The following MYH10 variants were observed in gnomAD, a reference collection of about 807,000 sequenced individuals.
MYH10 encodes the protein myosin heavy chain 10.
In MYH10, 55 loss-of-function variants were observed where a neutral mutation model predicts 257.8. That is an observed-to-expected ratio of 0.21 (90% CI 0.17 to 0.27). The LOEUF is 0.27. MYH10 is among the 10% of genes least tolerant of loss of function. MYH10 has a pLI of 1.00. For synonymous variants in MYH10, 854 were observed against 921.7 expected (o/e 0.93, Z 1.33); for missense variants, 1,631 against 2,500.6 (o/e 0.65, Z 7.42).
chr17:8,611,750 G>A (rs1045085111), intron 2 of MYH10, among the ~76,000 whole-genome samples: 1 of 152,318 alleles, frequency 6.6e-6, no homozygotes, highest in African/African-American at 2.4e-5. Context: ...AGGAATGTGA[G>A]ACCCAGATGG....
chr17:8,484,826 G>A (rs1914488216), intron 36 of MYH10, among the ~76,000 whole-genome samples: 2 of 152,202 alleles, frequency 1.3e-5, no homozygotes, highest in African/African-American at 4.8e-5. Context: ...GGGCATCAAT[G>A]AAAAACTGAC....
intron 37 of MYH10, among the ~76,000 whole-genome samples, chr17:8,483,916 G>A (rs1914301976): frequency 6.6e-6 from 1 of 152,240 alleles, no homozygotes. Context: ...TTGCCAGGTA[G>A]AGGAATATAT....
chr17:8,618,101 C>T (rs772434610), intron 2 of MYH10, among the ~76,000 whole-genome samples: 2 of 151,998 alleles, frequency 1.3e-5, no homozygotes, highest in African/African-American at 2.4e-5. Context: ...TACTGTAATA[C>T]GTTGTTTTGG....
At chr17:8,485,426 C>G (rs1252121745) in intron 36 of MYH10, among the ~76,000 whole-genome samples, 1 of 143,642 alleles carries the variant, frequency 7.0e-6, no homozygotes, top group Non-Finnish European at 1.5e-5. Context: ...ATTTACACAT[C>G]AACACAATAA....
intron 13 of MYH10, among the ~76,000 whole-genome samples, chr17:8,542,496 A>G (rs1179037599): frequency 6.6e-6 from 1 of 152,236 alleles, no homozygotes; most frequent in Non-Finnish European, 1.5e-5. Context: ...AAGAGAAAGA[A>G]CATACTGTCT....
chr17:8,527,770 G>T (rs111859295), intron 17 of MYH10, among the ~76,000 whole-genome samples: 4,985 of 152,176 alleles, frequency 0.033, 143 homozygotes, highest in East Asian at 0.19. Context: ...GTTGCTGTCC[G>T]CACTTGTCCT....
Position 8,535,916 on chromosome 17 carries a change from C to A in MYH10, c.1621G>T (p.Val541Leu). ...CATTCTTCATCCAAAAGGGCCAGTA[C>A]ACCAGGAGGGTTCGCCTGATAATGA... is the stretch of plus-strand genomic sequence containing the variant. ...LIERPANPPG[V>L]LALLDEECWF... is the part of the protein sequence containing the mutation. The change falls in exon 15 of 43, where the codon GTA (valine) becomes TTA (leucine). Residue 541 changes from valine (V) to leucine (L), a missense_variant. Physicochemically the swap from Val to Leu is conservative, Grantham distance 32. Transcript: ENST00000360416. This position sits in a 1 kb window ranked among gnomAD's most constrained non-coding sequence, Gnocchi z 4.3. 6.2e-7 allele frequency: 1 copy of A among 1,613,748 alleles called. No homozygotes were observed. The highest frequency in any genetic ancestry group is 8.5e-7 in the Non-Finnish European group (1 of 1,179,854).
chr17:8,490,382 C>T lies in MYH10; in HGVS notation c.4842G>A (p.Arg1614=), dbSNP rs1863120088. Residue 1614 remains arginine, a synonymous_variant, in exon 35 of 43, where the codon AGG becomes AGA. Transcript: ENST00000360416. The surrounding 1 kb of genome is among the most constrained non-coding windows in gnomAD (Gnocchi z 4.1). The part of the protein sequence containing the change: ...KAQFERDLQT[R]DEQNEEKKRL... ...GCTTCTTCTCTTCATTCTGCTCATC[C>T]CTGGTTTGCAGGTCTCTCTCGAACT... The T allele has an allele frequency of 1.2e-6, 2 of 1,614,144 alleles. No individual in the cohort carries two copies. Among genetic ancestry groups the T allele is most frequent in the East Asian group, 2.2e-5 (1 of 44,882 alleles).
chr17:8,589,034 T>C, intron 4 of MYH10, 47 bp downstream of exon 4: 2 of 1,601,082 alleles, frequency 1.2e-6, no homozygotes, highest in Non-Finnish European at 8.5e-7. Context: ...GTTGCTCCAC[T>C]TTCCAAGAAA....
Position 8,550,384 on chromosome 17 carries a change from C to T in MYH10, c.920-1597G>A, listed in dbSNP as rs564257262. Among the ~76,000 whole-genome samples the T allele has an allele frequency of 5.8e-3, 878 of 152,008 alleles. 11 individuals carry two copies. Among genetic ancestry groups the T allele is most frequent in the African/African-American group, 0.02 (817 of 41,410 alleles). ...GAGCACCTCTGCCCGGCCCCGACCC[C>T]GTCTGGGAGGTGAGGAGCATCTCTG... On this transcript the variant is annotated intron_variant, in intron 9 of 42. Coordinates refer to ENST00000360416, the MANE Select transcript of MYH10 (RefSeq NM_001256012.3).
At chr17:8,600,346 G>C (rs2084544184) in intron 3 of MYH10, among the ~76,000 whole-genome samples, 1 of 152,070 alleles carries the variant, frequency 6.6e-6, no homozygotes, top group African/African-American at 2.4e-5. Flanking sequence ...TAATGGGCTG[G>C]GGATCCACAT....
intron 29 of MYH10, among the ~76,000 whole-genome samples, chr17:8,499,877 A>G (rs1917246554): frequency 6.6e-6 from 1 of 152,220 alleles, no homozygotes; most frequent in African/African-American, 2.4e-5. Context: ...TGTATCTCCA[A>G]TGACATCCTG....
rs148663147 is a variant in MYH10 at position 8,497,946 on chromosome 17, T to TATGGGAGG, written c.3951+1316_3951+1323dup. ...AGTAATCTAGAGATGATTTATAGTA[T>TATGGGAGG]ATGGGAGGATGTGCATATATGCAAA... On this transcript the variant is annotated intron_variant, in intron 30 of 42. Coordinates refer to ENST00000360416, the MANE Select transcript of MYH10 (RefSeq NM_001256012.3). Among the ~76,000 whole-genome samples the TATGGGAGG allele has an allele frequency of 8.1e-3, 1,224 of 150,738 alleles. 21 individuals carry two copies. The highest frequency in any genetic ancestry group is 0.027 in the African/African-American group (1,123 of 40,950).
At chr17:8,502,735 C>T (rs4791711) in intron 28 of MYH10, among the ~76,000 whole-genome samples, 76,355 of 151,968 alleles carry the variant, frequency 0.5, 20,185 homozygotes, top group Middle Eastern at 0.62. Flanking sequence ...GAGGACATGT[C>T]TGAGCTGCAG....
chr17:8,477,049 C>A lies in MYH10; in HGVS notation c.5707-1G>T. The A allele has an allele frequency of 1.2e-6, 2 of 1,614,008 alleles. No homozygotes were observed. Among genetic ancestry groups the A allele is most frequent in the Non-Finnish European group, 1.7e-6 (2 of 1,180,014 alleles). On this transcript the variant is annotated splice_acceptor_variant, in intron 41 of 42. Transcript: ENST00000360416. LOFTEE classifies it high-confidence loss of function. The surrounding 1 kb of genome is among the most constrained non-coding windows in gnomAD (Gnocchi z 4.2). ...TCATCCGAGCGTTGGCCTTCTCCATCTTGGGGAGGGTACATGAACCAAAAC... is the reference window on the plus strand; with the variant it reads ...TCATCCGAGCGTTGGCCTTCTCCATATTGGGGAGGGTACATGAACCAAAAC...
intron 4 of MYH10, among the ~76,000 whole-genome samples, chr17:8,580,982 G>A (rs994303476): frequency 1.3e-5 from 2 of 152,150 alleles, no homozygotes; most frequent in Non-Finnish European, 2.9e-5. Context: ...CTTGAAAGAT[G>A]AGCAAGAACT....
intron 38 of MYH10, 120 bp from the exon 39 acceptor site, chr17:8,480,645 CT>C (rs777640845): frequency 8.4e-5 from 114 of 1,357,912 alleles, no homozygotes; most frequent in Non-Finnish European, 1.1e-4. Flanking sequence ...TGAATTTTCT[CT>C]TTCCCCTGCA....
intron 2 of MYH10, among the ~76,000 whole-genome samples, chr17:8,611,783 C>T (rs1461801334): frequency 3.3e-5 from 5 of 152,086 alleles, no homozygotes; most frequent in Admixed American, 3.3e-4. Context: ...CGATCTGGAG[C>T]ATGTGAAGTA....
At chr17:8,618,624 T>C (rs1271828316) in intron 2 of MYH10, among the ~76,000 whole-genome samples, 3 of 152,222 alleles carry the variant, frequency 2.0e-5, no homozygotes, top group Non-Finnish European at 2.9e-5. Flanking sequence ...TGCATCAAAA[T>C]CTACGGTTTA....
Sources: allele counts gnomAD v4.1 joint callset (sites outside exome capture counted in the v4.1 genomes callset), GRCh38; gene constraint gnomAD v4.1.1; non-coding constraint Gnocchi (gnomAD v3.1); transcripts MANE v1.5; gene names NCBI Gene and HGNC (gene_info 2026-07-23, HGNC 2026-07-21).